CHODL: variants seen among roughly 807,000 people sequenced by gnomAD.
CHODL encodes the protein transmembrane protein MT75.
CHODL carries 29 observed loss-of-function variants against 34.5 expected under a neutral mutation model. The observed-to-expected ratio is 0.84, with a 90% confidence interval of 0.63 to 1.15. The LOEUF is 1.15. Ranked by LOEUF, CHODL falls within the 50% of genes most tolerant of loss-of-function variation. The probability of loss-of-function intolerance (pLI) is 0.00; values close to 1 mark genes in which losing one functional copy is unlikely to be tolerated. For missense variants in CHODL, 332 were observed against 332.5 expected (o/e 1.00, Z 0.01); for synonymous variants, 125 against 116.1 (o/e 1.08, Z -0.49).
intron 2 of CHODL, among the ~76,000 whole-genome samples, chr21:18,076,141 A>G (rs554098484): frequency 6.6e-6 from 1 of 152,244 alleles, no homozygotes; most frequent in Non-Finnish European, 1.5e-5. Context: ...GGGCACTGCC[A>G]TAACAAATAC....
chr21:18,168,855 A>C (rs953918969), intron 2 of CHODL, among the ~76,000 whole-genome samples: 2 of 152,144 alleles, frequency 1.3e-5, no homozygotes, highest in Non-Finnish European at 2.9e-5. Context: ...GACCACAAAT[A>C]TTTATGTATG....
intron 1 of CHODL, among the ~76,000 whole-genome samples, chr21:18,013,854 C>G (rs551790310): frequency 6.6e-6 from 1 of 151,760 alleles, no homozygotes; most frequent in Non-Finnish European, 1.5e-5. Flanking sequence ...AGGCTGGTCT[C>G]GAACTCCTGA....
At chr21:18,204,139 C>T (rs1264216276) in intron 2 of CHODL, among the ~76,000 whole-genome samples, 1 of 152,012 alleles carries the variant, frequency 6.6e-6, no homozygotes, top group African/African-American at 2.4e-5. Context: ...TATTGTTATA[C>T]ATTTTTAATA....
intron 1 of CHODL, among the ~76,000 whole-genome samples, chr21:18,025,662 A>G (rs1353547802): frequency 6.6e-6 from 1 of 152,038 alleles, no homozygotes; most frequent in Non-Finnish European, 1.5e-5. Flanking sequence ...GTAACAAAAT[A>G]CCCCCAGACT....
intron 2 of CHODL, among the ~76,000 whole-genome samples, chr21:18,163,241 A>C (rs1482487021): frequency 6.6e-6 from 1 of 152,260 alleles, no homozygotes; most frequent in Non-Finnish European, 1.5e-5. Context: ...GCATTCCTAA[A>C]TGAACAAGTG....
At chr21:18,173,949 C>T (rs1020987773) in intron 2 of CHODL, among the ~76,000 whole-genome samples, 1 of 150,860 alleles carries the variant, frequency 6.6e-6, no homozygotes, top group Non-Finnish European at 1.5e-5. Context: ...GTACTTATAA[C>T]ACTACTATTT....
intron 2 of CHODL, among the ~76,000 whole-genome samples, chr21:18,182,809 A>G (rs2073396983): frequency 6.6e-6 from 1 of 152,188 alleles, no homozygotes; most frequent in Non-Finnish European, 1.5e-5. Context: ...TGCAAAAAAA[A>G]TCCCTGTTTA....
intron 2 of CHODL, among the ~76,000 whole-genome samples, chr21:18,115,927 G>C (rs2146568713): frequency 6.6e-6 from 1 of 152,046 alleles, no homozygotes; most frequent in East Asian, 1.9e-4. Flanking sequence ...ATCAAATCCA[G>C]TGGACACGTT....
chr21:18,218,954 C>G (rs1335814159), intron 2 of CHODL, among the ~76,000 whole-genome samples: 2 of 152,188 alleles, frequency 1.3e-5, no homozygotes, highest in Non-Finnish European at 2.9e-5. Flanking sequence ...CTCACATCTT[C>G]CTGTCTTCCT....
chr21:18,050,298 A>G (rs2064497795), intron 2 of CHODL, among the ~76,000 whole-genome samples: 1 of 151,832 alleles, frequency 6.6e-6, no homozygotes, highest in Non-Finnish European at 1.5e-5. Flanking sequence ...AGGTGTTTGG[A>G]TTTATATGGC....
intron 5 of CHODL, among the ~76,000 whole-genome samples, chr21:18,263,139 G>A (rs2074402798): frequency 6.6e-6 from 1 of 152,040 alleles, no homozygotes; most frequent in Admixed American, 6.6e-5. Context: ...TCTTAGATGG[G>A]TTACCTAGTC....
intron 1 of CHODL, among the ~76,000 whole-genome samples, chr21:17,957,390 C>T (rs536757115): frequency 5.3e-5 from 8 of 152,214 alleles, no homozygotes; most frequent in African/African-American, 1.9e-4. Flanking sequence ...GTTTAAACTT[C>T]GTACTCTTCC....
intron 2 of CHODL, among the ~76,000 whole-genome samples, chr21:18,072,840 A>T (rs558064800): frequency 1.3e-5 from 2 of 152,102 alleles, no homozygotes; most frequent in African/African-American, 2.4e-5. Context: ...CCTATAAAAA[A>T]GTTTTCTTTT....
At chr21:17,926,563 GC>G (rs1175174166) in intron 1 of CHODL, among the ~76,000 whole-genome samples, 1 of 152,050 alleles carries the variant, frequency 6.6e-6, no homozygotes, top group Non-Finnish European at 1.5e-5. Context: ...TCTTCACAGG[GC>G]CTCAGCATGG....
At chr21:18,040,751 G>A (rs1395379298) in intron 2 of CHODL, among the ~76,000 whole-genome samples, 1 of 151,758 alleles carries the variant, frequency 6.6e-6, no homozygotes, top group South Asian at 2.1e-4. Flanking sequence ...TGTATCTTGA[G>A]TGTTATCCAC....
chr21:18,174,659 C>T lies in CHODL; in HGVS notation c.-44-81850C>T, dbSNP rs145749818. 2.2e-3 allele frequency among the ~76,000 whole-genome samples: 337 copies of T among 152,160 alleles called. 4 individuals carry two copies. The highest frequency in any genetic ancestry group is 7.7e-3 in the African/African-American group (319 of 41,522). ...ATTGATTTTTTTTAATCAGAAAGAA[C>T]TGGACCAGAAAGTTCCACTTGAATC... On this transcript the variant is annotated intron_variant, in intron 2 of 6. Transcript: ENST00000400127.
At chr21:18,215,687 T>C (rs2073820782) in intron 2 of CHODL, among the ~76,000 whole-genome samples, 2 of 152,170 alleles carry the variant, frequency 1.3e-5, no homozygotes, top group African/African-American at 4.8e-5. Context: ...ATTCTTGAAT[T>C]TGCCATTTGA....
At chr21:18,121,496 C>A (rs2146577627) in intron 2 of CHODL, among the ~76,000 whole-genome samples, 1 of 152,256 alleles carries the variant, frequency 6.6e-6, no homozygotes, top group South Asian at 2.1e-4. Flanking sequence ...GCATCTCAAA[C>A]TTAACATGGC....
chr21:17,992,064 C>G (rs1362476030), intron 1 of CHODL, among the ~76,000 whole-genome samples: 1 of 152,090 alleles, frequency 6.6e-6, no homozygotes, highest in Non-Finnish European at 1.5e-5. Flanking sequence ...TTCCCAGCAC[C>G]AGTTATTGAA....
Sources: gnomAD v4.1 joint callset for allele counts (sites outside exome capture counted in the v4.1 genomes callset) on GRCh38, gnomAD v4.1.1 for gene constraint, MANE v1.5 for transcripts, NCBI Gene and HGNC (gene_info 2026-07-23, HGNC 2026-07-21) for gene names.